The following SETBP1 variants were observed in gnomAD, a reference collection of about 807,000 sequenced individuals.
SETBP1 encodes SET-binding protein.
SETBP1 carries 9 observed loss-of-function variants against 101.0 expected under a neutral mutation model. That is an observed-to-expected ratio of 0.09 (90% CI 0.05 to 0.16). The LOEUF (loss-of-function observed/expected upper bound fraction) is 0.16. Among genes scored for constraint, SETBP1 ranks in the 10% least tolerant of loss-of-function variants. SETBP1 has a pLI of 1.00. For missense variants in SETBP1, 1,858 were observed against 2,033.8 expected (o/e 0.91, Z 1.66); for synonymous variants, 818 against 788.5 (o/e 1.04, Z -0.63).
rs150916474 is a variant in SETBP1 at position 44,783,353 on chromosome 18, T to G, written c.486+81521T>G. ...CATGGATCTTTATCCAGGAGGTATT[T>G]CCATTATAATCTGGGGTTGCTTCTT... On this transcript the variant is annotated intron_variant, in intron 2 of 5. Coordinates refer to ENST00000649279, the MANE Select transcript of SETBP1 (RefSeq NM_015559.3). Among the ~76,000 whole-genome samples the G allele has an allele frequency of 1.8e-3, 280 of 152,324 alleles. 2 individuals are homozygous for G. The highest frequency in any genetic ancestry group is 6.5e-3 in the African/African-American group (272 of 41,572).
intron 5 of SETBP1, among the ~76,000 whole-genome samples, chr18:45,059,714 C>T (rs2073862858): frequency 6.6e-6 from 1 of 152,154 alleles, no homozygotes; most frequent in Admixed American, 6.5e-5. Context: ...TCAGTCACAC[C>T]AGCCACATTT....
chr18:44,878,337 T>C (rs1050655517), intron 3 of SETBP1, among the ~76,000 whole-genome samples: 4 of 151,948 alleles, frequency 2.6e-5, no homozygotes, highest in African/African-American at 9.7e-5. Context: ...TCATTCATTT[T>C]TTTTTTCTCT....
chr18:44,911,976 G>A (rs2070320864), intron 3 of SETBP1, among the ~76,000 whole-genome samples: 1 of 151,918 alleles, frequency 6.6e-6, no homozygotes, highest in African/African-American at 2.4e-5. Flanking sequence ...CAAACTTCAA[G>A]GCAGTAGGTG....
At chr18:44,728,007 G>T (rs16978147) in intron 2 of SETBP1, among the ~76,000 whole-genome samples, 2,421 of 152,220 alleles carry the variant, frequency 0.016, 61 homozygotes, top group African/African-American at 0.055. Flanking sequence ...TCCCCTGTTT[G>T]CTCTACCGTC....
At chr18:44,732,118 G>A (rs1053939936) in intron 2 of SETBP1, among the ~76,000 whole-genome samples, 1 of 152,290 alleles carries the variant, frequency 6.6e-6, no homozygotes, top group East Asian at 1.9e-4. Flanking sequence ...ATGCAAATAT[G>A]CTGGACTCTT....
chr18:44,885,648 ATTG>A (rs2069624485), intron 3 of SETBP1, among the ~76,000 whole-genome samples: 1 of 151,912 alleles, frequency 6.6e-6, no homozygotes, highest in South Asian at 2.1e-4. Context: ...GGAGTTAAAA[ATTG>A]TTGAACAGCT....
chr18:45,044,408 C>T (rs1186590216), intron 5 of SETBP1, among the ~76,000 whole-genome samples: 2 of 152,174 alleles, frequency 1.3e-5, no homozygotes, highest in Non-Finnish European at 2.9e-5. Flanking sequence ...GAATATGGCA[C>T]GTGCATGAAA....
chr18:44,908,048 C>T (rs2070216490), intron 3 of SETBP1, among the ~76,000 whole-genome samples: 1 of 148,970 alleles, frequency 6.7e-6, no homozygotes, highest in South Asian at 2.1e-4. Context: ...CTTCCTCCTC[C>T]TCCTTCTTTT....
chr18:44,917,425 A>C (rs1299820181), intron 3 of SETBP1, among the ~76,000 whole-genome samples: 2 of 151,972 alleles, frequency 1.3e-5, no homozygotes, highest in Non-Finnish European at 2.9e-5. Flanking sequence ...TACTTTCTTT[A>C]TTTGTTTATG....
At chr18:44,910,694 T>C (rs1305033793) in intron 3 of SETBP1, among the ~76,000 whole-genome samples, 1 of 152,204 alleles carries the variant, frequency 6.6e-6, no homozygotes, top group African/African-American at 2.4e-5. Context: ...ACTAAAAACC[T>C]AGAGGGGGTT....
chr18:44,741,973 G>A (rs1008670777), intron 2 of SETBP1, among the ~76,000 whole-genome samples: 7 of 152,162 alleles, frequency 4.6e-5, no homozygotes, highest in East Asian at 1.9e-4. Context: ...CTCTAAGGAC[G>A]GAGGTGGAGG....
At chr18:44,891,862 G>T (rs1444215682) in intron 3 of SETBP1, among the ~76,000 whole-genome samples, 1 of 152,016 alleles carries the variant, frequency 6.6e-6, no homozygotes, top group Non-Finnish European at 1.5e-5. Context: ...TGTCATAGAT[G>T]TCTTGAAATA....
intron 4 of SETBP1, among the ~76,000 whole-genome samples, chr18:44,960,988 G>A (rs1187043994): frequency 6.6e-6 from 1 of 152,230 alleles, no homozygotes; most frequent in Non-Finnish European, 1.5e-5. Context: ...GCACTGAGAG[G>A]GTGGGAGTAC....
chr18:44,914,606 T>C (rs776252317), intron 3 of SETBP1, among the ~76,000 whole-genome samples: 2 of 152,162 alleles, frequency 1.3e-5, no homozygotes, highest in African/African-American at 2.4e-5. Flanking sequence ...CAATAGTCTA[T>C]GTAATCAAAT....
At chr18:45,056,856 T>A (rs1226090057) in intron 5 of SETBP1, among the ~76,000 whole-genome samples, 2 of 152,090 alleles carry the variant, frequency 1.3e-5, no homozygotes, top group African/African-American at 4.8e-5. Flanking sequence ...AGAAAAAATG[T>A]GAAATAGGAG....
At chr18:44,771,878 T>C (rs2070882525) in intron 2 of SETBP1, among the ~76,000 whole-genome samples, 1 of 152,020 alleles carries the variant, frequency 6.6e-6, no homozygotes, top group African/African-American at 2.4e-5. Flanking sequence ...CTCCATGATT[T>C]CCCCCCCAAG....
intron 2 of SETBP1, among the ~76,000 whole-genome samples, chr18:44,731,080 C>T (rs2069828764): frequency 6.6e-6 from 1 of 152,102 alleles, no homozygotes; most frequent in Non-Finnish European, 1.5e-5. Context: ...GGGATGGATG[C>T]AACAGCTGGG....
At chr18:44,940,559 C>T (rs2071064477) in intron 3 of SETBP1, among the ~76,000 whole-genome samples, 1 of 152,026 alleles carries the variant, frequency 6.6e-6, no homozygotes, top group Non-Finnish European at 1.5e-5. Context: ...GTAGAGATTA[C>T]AATGCGTACC....
At chr18:44,722,664 G>A (rs1472484807) in intron 2 of SETBP1, among the ~76,000 whole-genome samples, 1 of 152,138 alleles carries the variant, frequency 6.6e-6, no homozygotes, top group African/African-American at 2.4e-5. Context: ...TCTGTGGATG[G>A]GATGAACAAA....
Sources: gnomAD v4.1 joint callset for allele counts (sites outside exome capture counted in the v4.1 genomes callset) on GRCh38, gnomAD v4.1.1 for gene constraint, MANE v1.5 for transcripts, NCBI Gene and HGNC (gene_info 2026-07-23, HGNC 2026-07-21) for gene names.